The following CCDC74A variants were observed in gnomAD, a reference collection of about 807,000 sequenced individuals.
The protein encoded by CCDC74A is coiled-coil domain-containing protein 74A.
CCDC74A carries 38 observed loss-of-function variants against 37.6 expected under a neutral mutation model. The ratio of observed to expected loss-of-function variants is 1.01; its 90% CI spans 0.78 to 1.33. The LOEUF is 1.33. CCDC74A is among the 40% of genes most tolerant of loss of function. The pLI, the probability that CCDC74A is intolerant of heterozygous loss-of-function variation, is 0.00. For missense variants in CCDC74A, 340 were observed against 403.4 expected (o/e 0.84, Z 1.35); for synonymous variants, 134 against 165.2 (o/e 0.81, Z 1.45).
At chr2:131,532,492 C>A (rs1403684883) in intron 4 of CCDC74A, 97 bp from the exon 5 acceptor site, 1 of 1,404,852 alleles carries the variant, frequency 7.1e-7, no homozygotes, top group East Asian at 2.3e-5. Context: ...GGCCCTCTTC[C>A]CCACATTGGC....
chr2:131,526,444 G>A (rs1680328620), upstream of CCDC74A, among the ~76,000 whole-genome samples: 1 of 152,116 alleles, frequency 6.6e-6, no homozygotes, highest in South Asian at 2.1e-4. Context: ...ACCCTGCCTG[G>A]CCTTCACATT....
Position 131,531,100 on chromosome 2 carries a change from G to A in CCDC74A, c.346+273G>A, listed in dbSNP as rs1256223352. Among the ~76,000 whole-genome samples the A allele has an allele frequency of 3.3e-5, 5 of 152,138 alleles. No individual in the cohort carries two copies. In the South Asian group the frequency reaches 6.2e-4, roughly 19 times the overall value. On this transcript the variant is annotated intron_variant, in intron 3 of 7. Coordinates refer to ENST00000409856, the MANE Select transcript of CCDC74A (RefSeq NM_001258306.3). ...GCAAGCAGGCAGGAGGGGCCTCCCCGGGTGGCCTTCTAGGGAGGATGTACC... is the reference window on the plus strand; with the variant it reads ...GCAAGCAGGCAGGAGGGGCCTCCCCAGGTGGCCTTCTAGGGAGGATGTACC...
chr2:131,528,065 A>T lies in CCDC74A; in HGVS notation c.95A>T (p.Gln32Leu). Residue 32 changes from glutamine (Q) to leucine (L), a missense_variant, in exon 1 of 8, where the codon CAG becomes CTG. Transcript: ENST00000409856. Reference sequence around the variant, plus strand: ...CGCCAGCGCCCCTCTGTGGGCGTCCAGTCCTTGAGGCCGCAGAGCCCGCAG... The same window carrying T: ...CGCCAGCGCCCCTCTGTGGGCGTCCTGTCCTTGAGGCCGCAGAGCCCGCAG... ...RRRQRPSVGV[Q>L]SLRPQSPQLR... 1 of 1,584,480 alleles carries T rather than the reference A, an allele frequency of 6.3e-7. No homozygotes were observed. The highest frequency in any genetic ancestry group is 2.2e-5 in the East Asian group (1 of 44,506).
chr2:131,529,856 A>G (rs1680918746), intron 2 of CCDC74A, 165 bp downstream of exon 2: 4 of 1,498,712 alleles, frequency 2.7e-6, no homozygotes, highest in Non-Finnish European at 3.6e-6. Context: ...CCGTGGCTGG[A>G]CGATGTTATG....
rs747022309 is a variant in CCDC74A at position 131,528,149 on chromosome 2, T to TGCA, written c.189_191dup (p.Gln63dup). 1 of 1,613,794 alleles carries TGCA rather than the reference T, an allele frequency of 6.2e-7. No homozygotes were observed. The highest frequency in any genetic ancestry group is 8.5e-7 in the Non-Finnish European group (1 of 1,179,848). ...GACCTGGAGAAAAGCCTGCAGTTCC[T>TGCA]GCAGCAGCAGCACTCGGAGATGCTG... On this transcript the variant is annotated inframe_insertion, in exon 1 of 8. Coordinates refer to ENST00000409856, the MANE Select transcript of CCDC74A (RefSeq NM_001258306.3).
chr2:131,523,256 T>G (rs1389527770), upstream of CCDC74A, among the ~76,000 whole-genome samples: 1 of 152,156 alleles, frequency 6.6e-6, no homozygotes, highest in Non-Finnish European at 1.5e-5. Context: ...TTCCCTTGAC[T>G]CCCGAAGCCA....
At chr2:131,531,998 T>C (rs1279915526) in intron 4 of CCDC74A, among the ~76,000 whole-genome samples, 196 bp downstream of exon 4, 4 of 149,092 alleles carry the variant, frequency 2.7e-5, no homozygotes, top group Non-Finnish European at 4.5e-5. Context: ...GGCGCTGTCT[T>C]CCTCCCTTCC....
In CCDC74A at chr2:131,529,610, T is replaced by A. The variant is rs750971922; in HGVS notation, c.251-37T>A. 3.1e-6 allele frequency: 5 copies of A among 1,613,782 alleles called. No homozygotes were observed. In the East Asian group the frequency reaches 1.1e-4, roughly 36 times the overall value. On this transcript the variant is annotated intron_variant, in intron 1 of 7. Coordinates refer to ENST00000409856, the MANE Select transcript of CCDC74A (RefSeq NM_001258306.3). Reference sequence around the variant, plus strand: ...CTTCTTCTCTCAGAATAGCTGTGGTTTCACAAGTGCTGAGGAGAGCGTGTG... The same window carrying A: ...CTTCTTCTCTCAGAATAGCTGTGGTATCACAAGTGCTGAGGAGAGCGTGTG...
intron 1 of CCDC74A, 180 bp downstream of exon 1, chr2:131,528,400 G>T: frequency 6.4e-7 from 1 of 1,550,530 alleles, no homozygotes; most frequent in Non-Finnish European, 8.7e-7. Context: ...GGAGACCCGC[G>T]TGGCCCCCGG....
At chr2:131,526,481 T>A (rs541937512), upstream of CCDC74A, among the ~76,000 whole-genome samples, 17 of 152,350 alleles carry the variant, frequency 1.1e-4, no homozygotes, top group Non-Finnish European at 2.4e-4. Flanking sequence ...TTAGAATGTC[T>A]ACTTCTCTGT....
In CCDC74A at chr2:131,528,203, T is replaced by C. The variant is rs1447273780; in HGVS notation, c.233T>C (p.Leu78Pro). 6.2e-7 allele frequency: 1 copy of C among 1,612,914 alleles called. No homozygotes were observed. The highest frequency in any genetic ancestry group is 2.2e-5 in the East Asian group (1 of 44,808). ...AAGCTCCATGAGGAGATCGAGCATC[T>C]GAAGCGGGAAAACAAGGGTGAGCCG... Reference protein sequence around the residue: ...LAKLHEEIEHLKRENKDLHYK... With the variant: ...LAKLHEEIEHPKRENKDLHYK... The change falls in exon 1 of 8, where the codon CTG (leucine) becomes CCG (proline). Residue 78 changes from leucine to proline, a missense_variant. This residue lies in a region of CCDC74A where 154 missense variants were observed against 153.9 expected (regional missense o/e 1.00). Coordinates refer to ENST00000409856, the MANE Select transcript of CCDC74A (RefSeq NM_001258306.3).
In CCDC74A at chr2:131,529,665, T is replaced by G. The variant is rs138266222; in HGVS notation, c.269T>G (p.Ile90Arg). ...CTTTCAGATCTCCATTACAAGCTCA[T>G]AATGAATCAGACATCACAGAAGAAA... is the stretch of plus-strand genomic sequence containing the variant. The part of the protein sequence containing the change: ...RENKDLHYKL[I>R]MNQTSQKKDS... The change falls in exon 2 of 8, where the codon ATA (isoleucine) becomes AGA (arginine). Residue 90 changes from isoleucine (I) to arginine (R), a missense_variant. By Grantham distance (97) the Ile-to-Arg change is moderately conservative. Transcript: ENST00000409856. The G allele has an allele frequency of 2.7e-4, 441 of 1,614,018 alleles. No individual in the cohort carries two copies. The African/African-American group carries it at 5.3e-3, about 19-fold the overall frequency.
At chr2:131,524,100 T>C (rs542990095), upstream of CCDC74A, among the ~76,000 whole-genome samples, 1 of 152,238 alleles carries the variant, frequency 6.6e-6, no homozygotes, top group African/African-American at 2.4e-5. Flanking sequence ...TTCTGCCTTA[T>C]GCTCCTCAGT....
chr2:131,523,060 G>A (rs181037902), upstream of CCDC74A, among the ~76,000 whole-genome samples: 14 of 152,154 alleles, frequency 9.2e-5, no homozygotes, highest in Admixed American at 2.0e-4. Flanking sequence ...ATGCGCCACC[G>A]CACCCTGCTA....
upstream of CCDC74A, among the ~76,000 whole-genome samples, chr2:131,527,323 T>C (rs1420173965): frequency 6.6e-6 from 1 of 151,790 alleles, no homozygotes. Flanking sequence ...TGGAGTTCAG[T>C]GGTGCCATCA....
At chr2:131,527,423 G>A (rs1030398938), upstream of CCDC74A, among the ~76,000 whole-genome samples, 1 of 152,106 alleles carries the variant, frequency 6.6e-6, no homozygotes, top group Non-Finnish European at 1.5e-5. Flanking sequence ...AAGACACCAT[G>A]CCCGGGTTTT....
At position 131,531,716 on chromosome 2, in the gene CCDC74A, C is replaced by T. The variant is rs766326624; in HGVS notation, c.399C>T (p.Asp133=). The change falls in exon 4 of 8, where the codon GAC becomes GAT. Residue 133 remains aspartate (D), a synonymous_variant. Coordinates refer to ENST00000409856, the MANE Select transcript of CCDC74A (RefSeq NM_001258306.3). ...TCAACAAGCAAGATTCAAAAGCTGA[C>T]GTCTCCCAGAAGGCGGACCTGGAAG... ...GSFNKQDSKA[D]VSQKADLEEE... is the part of the protein sequence containing the mutation. The T allele has an allele frequency of 1.3e-5, 19 of 1,489,196 alleles. 1 individual carries two copies. Among genetic ancestry groups the T allele is most frequent in the Admixed American group, 8.7e-5 (4 of 45,820 alleles). 92.2% of individuals were successfully genotyped at this position (1,489,196 alleles called of 1,614,324 possible). A position where few individuals can be genotyped will look rare whatever the true frequency, so the allele number is the denominator to read the frequency against.
upstream of CCDC74A, among the ~76,000 whole-genome samples, chr2:131,523,172 T>C (rs1370100813): frequency 6.6e-6 from 1 of 152,214 alleles, no homozygotes; most frequent in Non-Finnish European, 1.5e-5. Flanking sequence ...CCTGAAGTGC[T>C]AGGGTTACAG....
At chr2:131,525,349 G>A (rs1680261392), upstream of CCDC74A, among the ~76,000 whole-genome samples, 1 of 151,836 alleles carries the variant, frequency 6.6e-6, no homozygotes, top group Non-Finnish European at 1.5e-5. Context: ...CTTCTCAGTA[G>A]CTGGGACTGC....
Sources: gnomAD v4.1 joint callset for allele counts (sites outside exome capture counted in the v4.1 genomes callset) on GRCh38, gnomAD v4.1.1 for gene constraint, gnomAD v4.1.1 regional missense constraint, MANE v1.5 for transcripts, NCBI Gene and HGNC (gene_info 2026-07-23, HGNC 2026-07-21) for gene names.